Variants in GPR39 observed in about 807,000 individuals in gnomAD.
GPR39 encodes the protein zinc sensing receptor.
GPR39 carries 23 observed loss-of-function variants against 18.4 expected under a neutral mutation model. The observed-to-expected ratio is 1.25, with a 90% CI of 0.90 to 1.77. The LOEUF is 1.77. Ranked by LOEUF, GPR39 falls within the 40% of genes most tolerant of loss-of-function variation. GPR39 has a pLI of 0.00. For synonymous variants in GPR39, 280 were observed against 257.9 expected (o/e 1.09, Z -0.82); for missense variants, 647 against 602.4 (o/e 1.07, Z -0.78).
At chr2:132,616,141 AC>A (rs910229725) in intron 1 of GPR39, among the ~76,000 whole-genome samples, 74 of 151,816 alleles carry the variant, frequency 4.9e-4, no homozygotes, top group African/African-American at 1.7e-3. Flanking sequence ...TTATTAAGAG[AC>A]TTTTATATGT....
At chr2:132,454,650 C>A (rs1183627601) in intron 1 of GPR39, among the ~76,000 whole-genome samples, 1 of 152,066 alleles carries the variant, frequency 6.6e-6, no homozygotes, top group African/African-American at 2.4e-5. Flanking sequence ...TTTTGAGATA[C>A]GTTCCATCAA....
At chr2:132,534,866 C>T (rs1679721575) in intron 1 of GPR39, among the ~76,000 whole-genome samples, 1 of 151,898 alleles carries the variant, frequency 6.6e-6, no homozygotes, top group Admixed American at 6.6e-5. Context: ...GGAGGGTTAG[C>T]ATTAGGAGAT....
intron 1 of GPR39, chr2:132,644,886 A>G (rs1681969450): frequency 6.9e-6 from 4 of 583,642 alleles, no homozygotes; most frequent in South Asian, 6.6e-5. Flanking sequence ...TCTTTCTTTA[A>G]CACAGCCAAC....
intron 1 of GPR39, among the ~76,000 whole-genome samples, chr2:132,493,161 CATATATACACCATATATACACCAT>C (rs1553451716): frequency 6.7e-5 from 9 of 134,628 alleles, no homozygotes; most frequent in African/African-American, 1.2e-4. Context: ...ATATATATAC[CATATATACACCATATATACACCAT>C]ATATATACAC....
chr2:132,505,871 A>C (rs192214739), intron 1 of GPR39, among the ~76,000 whole-genome samples: 11 of 152,334 alleles, frequency 7.2e-5, no homozygotes, highest in Admixed American at 6.5e-4. Context: ...ATGGGGGTCA[A>C]GTATATTTTT....
At chr2:132,485,932 A>G (rs1411887470) in intron 1 of GPR39, among the ~76,000 whole-genome samples, 3 of 152,210 alleles carry the variant, frequency 2.0e-5, no homozygotes, top group Non-Finnish European at 4.4e-5. Context: ...TACTTTCCCC[A>G]GACTTATCAG....
chr2:132,423,634 C>T (rs1680061118), intron 1 of GPR39, among the ~76,000 whole-genome samples: 1 of 152,168 alleles, frequency 6.6e-6, no homozygotes, highest in Non-Finnish European at 1.5e-5. Context: ...CTTCCATCCC[C>T]TTCCCCAGGT....
intron 1 of GPR39, among the ~76,000 whole-genome samples, chr2:132,623,130 T>C (rs1681471829): frequency 6.6e-6 from 1 of 151,986 alleles, no homozygotes; most frequent in African/African-American, 2.4e-5. Context: ...AAATAAGACC[T>C]ATTTAATGAG....
chr2:132,422,121 A>T (rs7564889), intron 1 of GPR39, among the ~76,000 whole-genome samples: 31,463 of 152,166 alleles, frequency 0.21, 3,357 homozygotes, highest in African/African-American at 0.23. Flanking sequence ...AAACCATCTG[A>T]TAACCTTTGT....
intron 1 of GPR39, among the ~76,000 whole-genome samples, chr2:132,492,766 C>T (rs1681513737): frequency 1.1e-5 from 1 of 92,572 alleles, no homozygotes. Flanking sequence ...CATATATATA[C>T]ATTCCATATA....
At chr2:132,532,428 T>C (rs2104776956) in intron 1 of GPR39, among the ~76,000 whole-genome samples, 1 of 152,292 alleles carries the variant, frequency 6.6e-6, no homozygotes, top group South Asian at 2.1e-4. Flanking sequence ...AAGGAGGAAG[T>C]GGTACCATTC....
intron 1 of GPR39, among the ~76,000 whole-genome samples, chr2:132,499,178 T>C (rs1435296247): frequency 1.3e-5 from 2 of 152,236 alleles, no homozygotes; most frequent in African/African-American, 4.8e-5. Context: ...TTTTAGAATC[T>C]TTATGGTTTC....
At chr2:132,563,135 G>A (rs200980668) in intron 1 of GPR39, among the ~76,000 whole-genome samples, 1 of 152,188 alleles carries the variant, frequency 6.6e-6, no homozygotes, top group African/African-American at 2.4e-5. Context: ...ATTTTCAAAA[G>A]GGGAGTGTAG....
intron 1 of GPR39, among the ~76,000 whole-genome samples, chr2:132,585,473 T>C (rs892691496): frequency 2.0e-5 from 3 of 152,204 alleles, no homozygotes; most frequent in Non-Finnish European, 4.4e-5. Flanking sequence ...CCCTCCCCGC[T>C]TCTCCCGTGA....
intron 1 of GPR39, among the ~76,000 whole-genome samples, chr2:132,569,521 GGGGGGCTGTGGAGCTCTGTGGGGAT>G (rs1043969784): frequency 6.6e-6 from 1 of 151,904 alleles, no homozygotes; most frequent in African/African-American, 2.4e-5. Context: ...GTGGTGGGGA[GGGGGGCTGTGGAGCTCTGTGGGGAT>G]GGGGTCCTCC....
rs150821076 is a variant in GPR39, at chr2:132,559,570, G to T, written c.857-85531G>T. ...GCCCTGATGAAGTTGATGGAAGCAC[G>T]CTCAGGGCAGCAAACAGCTCTCCCG... On this transcript the variant is annotated intron_variant, in intron 1 of 1. Coordinates refer to ENST00000329321, the MANE Select transcript of GPR39 (RefSeq NM_001508.3). Among the ~76,000 whole-genome samples, 5 of 152,118 alleles carry T rather than the reference G, an allele frequency of 3.3e-5. No individual in the cohort carries two copies. In the East Asian group the frequency reaches 9.7e-4, roughly 30 times the overall value.
chr2:132,505,204 G>T lies in GPR39; in HGVS notation c.856+87306G>T, dbSNP rs558848340. Among the ~76,000 whole-genome samples the T allele has an allele frequency of 2.0e-4, 30 of 152,292 alleles. No individual in the cohort carries two copies. The East Asian group carries it at 5.8e-3, about 29-fold the overall frequency. ...CAGTAGGACAGGGCATCACAATGGT[G>T]AGAGGCCGAGTCTGCTAGCTTAGTT... On this transcript the variant is annotated intron_variant, in intron 1 of 1. Coordinates refer to ENST00000329321, the MANE Select transcript of GPR39 (RefSeq NM_001508.3).
At chr2:132,593,846 T>G (rs1234671827) in intron 1 of GPR39, among the ~76,000 whole-genome samples, 1 of 152,138 alleles carries the variant, frequency 6.6e-6, no homozygotes, top group Non-Finnish European at 1.5e-5. Flanking sequence ...CTTGTGGCAC[T>G]GGAGGAAAGA....
chr2:132,516,506 AT>A (rs1679337426), intron 1 of GPR39, among the ~76,000 whole-genome samples: 1 of 152,168 alleles, frequency 6.6e-6, no homozygotes. Flanking sequence ...GACATTTCCT[AT>A]TCTTAATATC....
Sources: allele counts gnomAD v4.1 joint callset (sites outside exome capture counted in the v4.1 genomes callset), GRCh38; gene constraint gnomAD v4.1.1; transcripts MANE v1.5; gene names NCBI Gene and HGNC (gene_info 2026-07-23, HGNC 2026-07-21).